The following CSMD1 variants were observed in gnomAD, a reference collection of about 807,000 sequenced individuals.
The protein encoded by CSMD1 is CUB and sushi domain-containing protein 1.
In CSMD1, 213 loss-of-function variants were observed where a neutral mutation model predicts 417.5. That is an observed-to-expected ratio of 0.51 (90% CI 0.46 to 0.57). The LOEUF is 0.57. Among genes scored for constraint, CSMD1 ranks in the 20% least tolerant of loss-of-function variants. The pLI is 0.00. For synonymous variants in CSMD1, 2,862 were observed against 1,736.8 expected (o/e 1.65, Z -16.11); for missense variants, 6,923 against 4,529.7 (o/e 1.53, Z -15.17).
intron 10 of CSMD1, among the ~76,000 whole-genome samples, chr8:3,500,028 G>T (rs527285849): frequency 6.6e-6 from 1 of 152,062 alleles, no homozygotes; most frequent in African/African-American, 2.4e-5. Flanking sequence ...CCTGAATACA[G>T]GCATCTGGGG....
chr8:3,479,536 C>G (rs1456309733), intron 11 of CSMD1, among the ~76,000 whole-genome samples: 2 of 152,144 alleles, frequency 1.3e-5, no homozygotes, highest in South Asian at 2.1e-4. Flanking sequence ...CACCTCGGCC[C>G]CCCAAAGTGC....
In CSMD1 at chr8:3,087,210, T is replaced by G. The variant is rs746504579; in HGVS notation, c.7361A>C (p.Lys2454Thr). 5.0e-6 allele frequency: 8 copies of G among 1,613,942 alleles called. No homozygotes were observed. Among genetic ancestry groups the G allele is most frequent in the Non-Finnish European group, 5.9e-6 (7 of 1,179,876 alleles). The change falls in exon 49 of 70, where the codon AAA becomes ACA. Residue 2454 changes from lysine to threonine, a missense_variant. Transcript: ENST00000635120. ...TCCAGGCTTGCAAAAATAATGCACT[T>G]TGCTTCCAACCGCTCCTGCAGTCCT... is the stretch of plus-strand genomic sequence containing the variant. ...LNRTAGAVGS[K>T]VHYFCKPGYR...
rs1305620954 is a variant in CSMD1, at chr8:2,936,271, C to A, written c.*2314G>T. 1.3e-5 allele frequency: 2 copies of A among 151,678 alleles called. No homozygotes were observed. Among genetic ancestry groups the A allele is most frequent in the African/African-American group, 4.8e-5 (2 of 41,252 alleles). 9.4% of individuals were successfully genotyped at this position (151,678 alleles called of 1,614,324 possible). ...TTTCAGGATTTCATAGCATCGTTGA[C>A]CAGGGAGCAGGTCAGGGATATGGGA... On this transcript the variant is annotated 3_prime_UTR_variant, in exon 70 of 70. Coordinates refer to ENST00000635120, the MANE Select transcript of CSMD1 (RefSeq NM_033225.6).
intron 5 of CSMD1, among the ~76,000 whole-genome samples, chr8:3,974,410 T>C (rs1415240463): frequency 6.6e-6 from 1 of 152,040 alleles, no homozygotes; most frequent in African/African-American, 2.4e-5. Context: ...ATTTTTATTT[T>C]CACTTCGACC....
rs540061386 is a variant in CSMD1 at position 4,428,971 on chromosome 8, C to T, written c.303-8906G>A. On this transcript the variant is annotated intron_variant, in intron 2 of 69. Transcript: ENST00000635120. ...TGAAGTGATCCACCTGCCTCATCCT[C>T]CCAAAGTGCTGGGAATATAGGCATA... Among the ~76,000 whole-genome samples, 5 of 152,164 alleles carry T rather than the reference C, an allele frequency of 3.3e-5. No individual in the cohort carries two copies. The East Asian group carries it at 9.7e-4, about 29-fold the overall frequency.
intron 2 of CSMD1, among the ~76,000 whole-genome samples, chr8:4,446,898 G>C (rs66769827): frequency 0.2 from 30,715 of 151,216 alleles, 3,988 homozygotes; most frequent in Middle Eastern, 0.3. Context: ...TGGGATTACA[G>C]GCGTGAGCCA....
intron 3 of CSMD1, among the ~76,000 whole-genome samples, chr8:4,215,166 C>T (rs1800565957): frequency 6.6e-6 from 1 of 152,172 alleles, no homozygotes; most frequent in Admixed American, 6.5e-5. Flanking sequence ...CAAACAGGGG[C>T]TGATAGGGAC....
rs894037313 is a variant in CSMD1 at position 4,068,539 on chromosome 8, T to C, written c.416-36440A>G. ...TTTTACGACACAAAATGCAGAAACA[T>C]AAAATGTATCCTCTGGAGGCCACTG... On this transcript the variant is annotated intron_variant, in intron 3 of 69. Transcript: ENST00000635120. Among the ~76,000 whole-genome samples, 6 of 152,260 alleles carry C rather than the reference T, an allele frequency of 3.9e-5. No homozygotes were observed. The South Asian group carries it at 1.0e-3, about 26-fold the overall frequency.
intron 3 of CSMD1, among the ~76,000 whole-genome samples, chr8:4,334,344 TTAA>T (rs1245472366): frequency 6.6e-6 from 1 of 152,164 alleles, no homozygotes; most frequent in Non-Finnish European, 1.5e-5. Context: ...ACATTTACAC[TTAA>T]TAAAGCAGGT....
chr8:4,827,082 G>T (rs555795493), intron 1 of CSMD1, among the ~76,000 whole-genome samples: 3 of 152,240 alleles, frequency 2.0e-5, no homozygotes, highest in South Asian at 2.1e-4. Context: ...TTAAGTCCAT[G>T]TTCTGGCAAT....
intron 7 of CSMD1, among the ~76,000 whole-genome samples, chr8:3,662,412 G>C (rs1798465553): frequency 6.6e-6 from 1 of 152,118 alleles, no homozygotes; most frequent in South Asian, 2.1e-4. Context: ...AAGACTCCAT[G>C]CCACATTTTC....
chr8:3,870,432 T>C (rs993574454), intron 5 of CSMD1, among the ~76,000 whole-genome samples: 2 of 152,202 alleles, frequency 1.3e-5, no homozygotes, highest in African/African-American at 4.8e-5. Context: ...TATATGCATA[T>C]ATCTTTACAT....
intron 1 of CSMD1, among the ~76,000 whole-genome samples, chr8:4,690,271 A>G (rs1205410886): frequency 6.6e-6 from 1 of 152,192 alleles, no homozygotes; most frequent in East Asian, 1.9e-4. Flanking sequence ...CTTGCTTTCA[A>G]TCCTGAAGAG....
rs17079486 is a variant in CSMD1 at position 3,127,106 on chromosome 8, T to C, written c.6242-8519A>G. Among the ~76,000 whole-genome samples the C allele has an allele frequency of 7.7e-3, 1,172 of 152,308 alleles. 14 individuals carry two copies. The highest frequency in any genetic ancestry group is 0.026 in the African/African-American group (1,081 of 41,564). On this transcript the variant is annotated intron_variant, in intron 41 of 69. Transcript: ENST00000635120. ...TCAACAATGAAGATTCAGGTCCTAG[T>C]TTCTAAGAGTCTTGTCCACAAACTA...
At chr8:3,815,287 G>C (rs1240091813) in intron 5 of CSMD1, among the ~76,000 whole-genome samples, 1 of 152,088 alleles carries the variant, frequency 6.6e-6, no homozygotes, top group Non-Finnish European at 1.5e-5. Flanking sequence ...ACAGAAGAAA[G>C]AATAACCAAT....
intron 3 of CSMD1, among the ~76,000 whole-genome samples, chr8:4,331,217 T>A (rs978549507): frequency 1.3e-5 from 2 of 152,122 alleles, no homozygotes; most frequent in African/African-American, 2.4e-5. Context: ...GATTACTGCC[T>A]CCCAGGTGAG....
At chr8:3,782,680 G>C (rs1481754876) in intron 5 of CSMD1, among the ~76,000 whole-genome samples, 2 of 152,170 alleles carry the variant, frequency 1.3e-5, no homozygotes, top group Non-Finnish European at 2.9e-5. Context: ...AGTCAACAAT[G>C]TTTGAGAACA....
At chr8:4,430,050 C>A (rs1418931465) in intron 2 of CSMD1, among the ~76,000 whole-genome samples, 1 of 152,280 alleles carries the variant, frequency 6.6e-6, no homozygotes, top group South Asian at 2.1e-4. Flanking sequence ...TTTTCAGAAT[C>A]AACCAGGAAG....
At chr8:3,409,176 T>G (rs970934290) in intron 13 of CSMD1, among the ~76,000 whole-genome samples, 1 of 152,234 alleles carries the variant, frequency 6.6e-6, no homozygotes, top group African/African-American at 2.4e-5. Flanking sequence ...TGACCCTTTC[T>G]GGTAGGAAAC....
Sources: gnomAD v4.1 joint callset for allele counts (sites outside exome capture counted in the v4.1 genomes callset) on GRCh38, gnomAD v4.1.1 for gene constraint, MANE v1.5 for transcripts, NCBI Gene and HGNC (gene_info 2026-07-23, HGNC 2026-07-21) for gene names.